CSMD1: variants seen among roughly 807,000 people sequenced by gnomAD.
CSMD1 encodes the protein CUB and sushi domain-containing protein 1.
CSMD1 carries 213 observed loss-of-function variants against 417.5 expected under a neutral mutation model. The observed-to-expected ratio is 0.51, with a 90% CI of 0.46 to 0.57. CSMD1 has a LOEUF of 0.57. Ranked by LOEUF, CSMD1 falls within the 20% of genes least tolerant of loss-of-function variation. The probability of loss-of-function intolerance (pLI) is 0.00; values close to 1 mark genes in which losing one functional copy is unlikely to be tolerated. For missense variants in CSMD1, 6,923 were observed against 4,529.7 expected (o/e 1.53, Z -15.17); for synonymous variants, 2,862 against 1,736.8 (o/e 1.65, Z -16.11).
intron 1 of CSMD1, among the ~76,000 whole-genome samples, chr8:4,822,691 T>A: frequency 6.6e-6 from 1 of 152,166 alleles, no homozygotes; most frequent in Non-Finnish European, 1.5e-5. Flanking sequence ...ATTAGCCATA[T>A]ACAATGTTGT....
intron 3 of CSMD1, among the ~76,000 whole-genome samples, chr8:4,088,483 G>T (rs1179519949): frequency 6.6e-6 from 1 of 152,072 alleles, no homozygotes; most frequent in African/African-American, 2.4e-5. Flanking sequence ...TCTCTTCACT[G>T]GTTATCCATC....
chr8:4,988,447 A>G (rs1389429059), intron 1 of CSMD1, among the ~76,000 whole-genome samples: 1 of 152,238 alleles, frequency 6.6e-6, no homozygotes, highest in African/African-American at 2.4e-5. Context: ...TTTTAACAAA[A>G]AAATATGCCT....
intron 3 of CSMD1, among the ~76,000 whole-genome samples, chr8:4,163,091 A>C (rs2131103224): frequency 6.6e-6 from 1 of 152,310 alleles, no homozygotes; most frequent in Non-Finnish European, 1.5e-5. Context: ...GCAATGAATA[A>C]TATTCCATTG....
chr8:4,756,447 G>A (rs1461147476), intron 1 of CSMD1, among the ~76,000 whole-genome samples: 4 of 152,098 alleles, frequency 2.6e-5, no homozygotes, highest in South Asian at 2.1e-4. Context: ...TTTCCTAAAC[G>A]CTAAAAGTTA....
chr8:4,563,527 C>T (rs374729165), intron 2 of CSMD1, among the ~76,000 whole-genome samples: 1 of 152,208 alleles, frequency 6.6e-6, no homozygotes, highest in African/African-American at 2.4e-5. Flanking sequence ...GCCCCACGCA[C>T]TGATACTCCT....
At chr8:4,642,394 A>G (rs1803249485) in intron 1 of CSMD1, among the ~76,000 whole-genome samples, 1 of 152,102 alleles carries the variant, frequency 6.6e-6, no homozygotes, top group African/African-American at 2.4e-5. Context: ...ACCCCCCTAC[A>G]GTTGGTTGGC....
At chr8:3,352,616 G>A (rs1053052343) in intron 21 of CSMD1, among the ~76,000 whole-genome samples, 2 of 152,174 alleles carry the variant, frequency 1.3e-5, no homozygotes, top group African/African-American at 4.8e-5. Flanking sequence ...GAGGCAGGCA[G>A]ATCACCTGAA....
At chr8:4,783,590 G>C (rs1797262271) in intron 1 of CSMD1, among the ~76,000 whole-genome samples, 1 of 152,198 alleles carries the variant, frequency 6.6e-6, no homozygotes, top group Non-Finnish European at 1.5e-5. Flanking sequence ...CAAATGTGTG[G>C]GTTAGCAGTT....
At chr8:3,977,651 C>A (rs1010270653) in intron 5 of CSMD1, among the ~76,000 whole-genome samples, 4 of 152,154 alleles carry the variant, frequency 2.6e-5, no homozygotes, top group African/African-American at 9.7e-5. Flanking sequence ...AAATCTGGAA[C>A]CTTCTCCTTT....
intron 6 of CSMD1, among the ~76,000 whole-genome samples, chr8:3,716,488 C>T (rs75345682): frequency 0.058 from 8,881 of 152,214 alleles, 297 homozygotes; most frequent in South Asian, 0.073. Flanking sequence ...ATGCTGCATT[C>T]GTAAACTGTA....
chr8:4,139,963 A>T (rs1030248620), intron 3 of CSMD1, among the ~76,000 whole-genome samples: 4 of 132,870 alleles, frequency 3.0e-5, no homozygotes, highest in African/African-American at 1.0e-4. Flanking sequence ...GGCAGGTGAA[A>T]CTATGTTTAT....
At chr8:3,264,072 T>G (rs1801268285) in intron 26 of CSMD1, among the ~76,000 whole-genome samples, 3 of 152,208 alleles carry the variant, frequency 2.0e-5, no homozygotes, top group Admixed American at 6.5e-5. Context: ...AATTCAAACT[T>G]TATTTCCCAG....
chr8:4,885,886 C>G (rs1174507364), intron 1 of CSMD1, among the ~76,000 whole-genome samples: 1 of 152,090 alleles, frequency 6.6e-6, no homozygotes, highest in East Asian at 1.9e-4. Context: ...ATCAACACTG[C>G]TTTCTCCATG....
At chr8:3,794,250 G>A (rs1346383911) in intron 5 of CSMD1, among the ~76,000 whole-genome samples, 1 of 152,206 alleles carries the variant, frequency 6.6e-6, no homozygotes, top group Non-Finnish European at 1.5e-5. Flanking sequence ...CAGTTGAGAT[G>A]TTGATGGCCT....
chr8:3,470,977 T>A (rs999089697), intron 11 of CSMD1, among the ~76,000 whole-genome samples: 1 of 151,804 alleles, frequency 6.6e-6, no homozygotes, highest in Admixed American at 6.6e-5. Context: ...AAAGCTGCTT[T>A]GAATATGTGT....
At chr8:3,766,089 C>A (rs1472220478) in intron 5 of CSMD1, among the ~76,000 whole-genome samples, 1 of 152,174 alleles carries the variant, frequency 6.6e-6, no homozygotes, top group Non-Finnish European at 1.5e-5. Context: ...GGAAATGGCT[C>A]AGACAGACAA....
At chr8:3,420,908 T>C (rs969217774) in intron 12 of CSMD1, among the ~76,000 whole-genome samples, 27 of 152,196 alleles carry the variant, frequency 1.8e-4, no homozygotes, top group African/African-American at 6.3e-4. Flanking sequence ...CTCTTTCCTG[T>C]TTCTCTTGGT....
intron 5 of CSMD1, among the ~76,000 whole-genome samples, chr8:3,961,980 A>T (rs1257375370): frequency 6.6e-6 from 1 of 152,138 alleles, no homozygotes; most frequent in African/African-American, 2.4e-5. Context: ...ATGCAGCAAA[A>T]CATCACAAAG....
chr8:3,451,902 T>G (rs1367403466), intron 12 of CSMD1, among the ~76,000 whole-genome samples: 1 of 152,206 alleles, frequency 6.6e-6, no homozygotes, highest in East Asian at 1.9e-4. Context: ...TAAATTACCT[T>G]GGGCAGTATG....
Sources: gnomAD v4.1 joint callset for allele counts (sites outside exome capture counted in the v4.1 genomes callset) on GRCh38, gnomAD v4.1.1 for gene constraint, MANE v1.5 for transcripts, NCBI Gene and HGNC (gene_info 2026-07-23, HGNC 2026-07-21) for gene names.